MOGAT3: variants seen among roughly 807,000 people sequenced by gnomAD.
MOGAT3 encodes monoacylglycerol O-acyltransferase 3, also known as 2-acylglycerol O-acyltransferase 3.
MOGAT3 carries 39 observed loss-of-function variants against 34.4 expected under a neutral mutation model. That is an observed-to-expected ratio of 1.13 (90% CI 0.88 to 1.48). The LOEUF is 1.48. MOGAT3 is among the 40% of genes most tolerant of loss of function. MOGAT3 has a pLI of 0.00. For missense variants in MOGAT3, 439 were observed against 438.9 expected (o/e 1.00, Z 0.00); for synonymous variants, 209 against 179.2 (o/e 1.17, Z -1.33).
rs374350476 is a variant in MOGAT3, at chr7:101,200,711, C to T, written c.109+35G>A. 89 of 1,575,656 alleles carry T rather than the reference C, an allele frequency of 5.6e-5. No homozygotes were observed. The African/African-American group carries it at 1.0e-3, about 18-fold the overall frequency. Reference sequence around the variant, plus strand: ...CTCCCTCCAAGCCCTACTCCCCTGGCAGACCCCAGGCACCCACGCCTCCCC... The same window carrying T: ...CTCCCTCCAAGCCCTACTCCCCTGGTAGACCCCAGGCACCCACGCCTCCCC... On this transcript the variant is annotated intron_variant, in intron 1 of 6. Transcript: ENST00000223114.
intron 5 of MOGAT3, among the ~76,000 whole-genome samples, chr7:101,197,261 C>T (rs1797816067): frequency 6.6e-6 from 1 of 152,216 alleles, no homozygotes; most frequent in South Asian, 2.1e-4. Context: ...TAGCTCACTG[C>T]AGCCTCAACC....
chr7:101,197,998 G>A (rs982790651), intron 5 of MOGAT3, among the ~76,000 whole-genome samples, 193 bp downstream of exon 5: 1 of 152,244 alleles, frequency 6.6e-6, no homozygotes, highest in Non-Finnish European at 1.5e-5. Context: ...GGATGTGGGA[G>A]GGAGCTTAGG....
At position 101,198,341 on chromosome 7, in the gene MOGAT3, C is replaced by T; in HGVS notation, c.518G>A (p.Ser173Asn). Residue 173 changes from serine to asparagine, a missense_variant, in exon 5 of 7, where the codon AGC (serine) becomes AAC (asparagine). Ser to Asn is a conservative substitution (Grantham distance 46). Transcript: ENST00000223114. ...GGGCTGGGACAGGATGAAGTCCAGG[C>T]TCTGGCGGCTCACCGGACAGAGTCC... is the stretch of plus-strand genomic sequence containing the variant. The part of the protein sequence containing the change: ...SFGLCPVSRQ[S>N]LDFILSQPQL... 1 of 1,562,342 alleles carries T rather than the reference C, an allele frequency of 6.4e-7. No homozygotes were observed. The highest frequency in any genetic ancestry group is 8.7e-7 in the Non-Finnish European group (1 of 1,151,696).
At position 101,200,735 on chromosome 7, in the gene MOGAT3, C is replaced by A; in HGVS notation, c.109+11G>T. 1 of 1,611,472 alleles carries A rather than the reference C, an allele frequency of 6.2e-7. No individual in the cohort carries two copies. Among genetic ancestry groups the A allele is most frequent in the South Asian group, 1.1e-5 (1 of 90,818 alleles). ...GCAGACCCCAGGCACCCACGCCTCCCCAGCTCTCACCCATGAAGAGGAAAG... is the reference window on the plus strand; with the variant it reads ...GCAGACCCCAGGCACCCACGCCTCCACAGCTCTCACCCATGAAGAGGAAAG... On this transcript the variant is annotated intron_variant, in intron 1 of 6. Transcript: ENST00000223114.
intron 3 of MOGAT3, among the ~76,000 whole-genome samples, chr7:101,199,255 C>T (rs1797888057): frequency 6.6e-6 from 1 of 152,172 alleles, no homozygotes; most frequent in African/African-American, 2.4e-5. Flanking sequence ...ATCTGCCTGC[C>T]TTGGCCTCCC....
chr7:101,197,167 T>G (rs1191631220), intron 5 of MOGAT3, among the ~76,000 whole-genome samples: 3 of 151,782 alleles, frequency 2.0e-5, no homozygotes, highest in African/African-American at 7.3e-5. Flanking sequence ...AATTAGAAAA[T>G]TTTAAAAAAT....
chr7:101,198,173 G>A lies in MOGAT3; in HGVS notation c.668+18C>T, dbSNP rs1187423462. The A allele has an allele frequency of 6.2e-7, 1 of 1,601,064 alleles. No individual in the cohort carries two copies. The highest frequency in any genetic ancestry group is 8.5e-7 in the Non-Finnish European group (1 of 1,172,802). ...AACCAGCAGAGAACTGACAGGTAGG[G>A]CCTGCACGCGCACTCACCCGTGCCT... is the stretch of plus-strand genomic sequence containing the variant. On this transcript the variant is annotated intron_variant, in intron 5 of 6. Coordinates refer to ENST00000223114, the MANE Select transcript of MOGAT3 (RefSeq NM_178176.4).
Position 101,200,475 on chromosome 7 carries a change from C to A in MOGAT3, c.150G>T (p.Thr50=), listed in dbSNP as rs1039718673. 1.2e-6 allele frequency: 2 copies of A among 1,605,686 alleles called. No individual in the cohort carries two copies. The highest frequency in any genetic ancestry group is 1.7e-6 in the Non-Finnish European group (2 of 1,175,926). ...AAAAAACAGAGAAGGGCCAGAGTGA[C>A]GTGAAGAGGAGGACAAAGACAAGAA... The part of the protein sequence containing the change: ...FSLLVFVLLF[T]SLWPFSVFYL... The change falls in exon 2 of 7, where the codon ACG becomes ACT. Residue 50 remains threonine (T), a synonymous_variant. Transcript: ENST00000223114.
downstream of MOGAT3, among the ~76,000 whole-genome samples, chr7:101,193,098 T>A (rs12333363): frequency 0.94 from 143,465 of 151,958 alleles, 67,799 homozygotes; most frequent in African/African-American, 0.98. Context: ...AATAAATAAA[T>A]AAAATAAAAT....
chr7:101,194,605 C>A (rs1797737971), downstream of MOGAT3, among the ~76,000 whole-genome samples: 1 of 150,594 alleles, frequency 6.6e-6, no homozygotes, highest in African/African-American at 2.5e-5. Flanking sequence ...CGGGTTCACG[C>A]CATTCTCCTG....
chr7:101,197,488 G>A (rs1401132213), intron 5 of MOGAT3, among the ~76,000 whole-genome samples: 2 of 151,900 alleles, frequency 1.3e-5, no homozygotes, highest in African/African-American at 2.4e-5. Context: ...ACGCCCAGCC[G>A]GGACTCACAT....
At position 101,196,179 on chromosome 7, in the gene MOGAT3, G is replaced by A. The variant is rs768179562; in HGVS notation, c.871+8C>T. 1.7e-5 allele frequency: 26 copies of A among 1,571,524 alleles called. No individual in the cohort carries two copies. The highest frequency in any genetic ancestry group is 2.2e-5 in the Non-Finnish European group (25 of 1,158,078). ...CTGGTGGCCGTCCCCCCGGAGGTGG[G>A]CACTCACCCACAGTGGTGATGGGCA... On this transcript the variant is annotated splice_region_variant and intron_variant, in intron 6 of 6. Transcript: ENST00000223114.
At position 101,195,649 on chromosome 7, in the gene MOGAT3, C is replaced by A; in HGVS notation, c.*297G>T. On this transcript the variant is annotated 3_prime_UTR_variant, in exon 7 of 7. Transcript: ENST00000223114. The stretch of plus-strand genomic sequence containing the variant: ...CTCCGCCTCCTGGGTTTAAGCAAGT[C>A]TCCTGCCTCAGCCTCCCAAATAGCT... The A allele has an allele frequency of 2.7e-6, 1 of 375,946 alleles. No individual in the cohort carries two copies. The highest frequency in any genetic ancestry group is 4.9e-6 in the Non-Finnish European group (1 of 205,260). 23.3% of individuals were successfully genotyped at this position (375,946 alleles called of 1,614,324 possible).
At position 101,195,653 on chromosome 7, in the gene MOGAT3, T is replaced by G; in HGVS notation, c.*293A>C. 1 of 378,094 alleles carries G rather than the reference T, an allele frequency of 2.6e-6. No individual in the cohort carries two copies. Among genetic ancestry groups the G allele is most frequent in the East Asian group, 6.1e-5 (1 of 16,508 alleles). The allele number at this position is 378,094 out of a possible 1,614,324, so 23.4% of individuals were successfully genotyped here. On this transcript the variant is annotated 3_prime_UTR_variant, in exon 7 of 7. Transcript: ENST00000223114. ...GCCTCCTGGGTTTAAGCAAGTCTCC[T>G]GCCTCAGCCTCCCAAATAGCTGGGA... is the stretch of plus-strand genomic sequence containing the variant.
At chr7:101,194,880 C>G (rs1186126064), downstream of MOGAT3, 1 of 152,274 alleles carries the variant, frequency 6.6e-6, no homozygotes, top group African/African-American at 2.4e-5. Flanking sequence ...CTTGACTGCT[C>G]TTACCTTTAG....
intron 3 of MOGAT3, among the ~76,000 whole-genome samples, chr7:101,199,654 G>A (rs1211819700): frequency 2.2e-5 from 3 of 139,450 alleles, no homozygotes; most frequent in Non-Finnish European, 3.0e-5. Context: ...TCACTCTGTT[G>A]CTCAGGCTGG....
chr7:101,200,339 G>T, intron 2 of MOGAT3, 35 bp from the exon 3 acceptor site: 21 of 1,611,746 alleles, frequency 1.3e-5, no homozygotes, highest in Non-Finnish European at 1.8e-5. Flanking sequence ...ACGAACCCCC[G>T]GAGTCACCTC....
At chr7:101,196,631 G>T (rs1257050393) in intron 5 of MOGAT3, among the ~76,000 whole-genome samples, 2 of 152,182 alleles carry the variant, frequency 1.3e-5, no homozygotes, top group Non-Finnish European at 2.9e-5. Context: ...CATTTTGGGA[G>T]GCCACGGTGG....
chr7:101,199,778 C>T (rs183822790), intron 3 of MOGAT3, among the ~76,000 whole-genome samples: 187 of 152,064 alleles, frequency 1.2e-3, no homozygotes, highest in African/African-American at 4.1e-3. Flanking sequence ...TGGTGCCCCA[C>T]CAAGGCCCCG....
Sources: allele counts gnomAD v4.1 joint callset (sites outside exome capture counted in the v4.1 genomes callset), GRCh38; gene constraint gnomAD v4.1.1; transcripts MANE v1.5; gene names NCBI Gene and HGNC (gene_info 2026-07-23, HGNC 2026-07-21).